STRC: variants seen among roughly 807,000 people sequenced by gnomAD.
STRC encodes the protein stereocilin.
Under a neutral mutation model 103.5 loss-of-function variants are expected in STRC, and 43 were observed. The observed-to-expected ratio is 0.42, with a 90% CI of 0.33 to 0.54. STRC has a LOEUF of 0.54. STRC is among the 20% of genes least tolerant of loss of function. STRC has a pLI of 0.14. For synonymous variants in STRC, 186 were observed against 442.3 expected, an observed-to-expected ratio of 0.42 and a Z score of 7.27; for missense variants, 499 against 1,088.5, an observed-to-expected ratio of 0.46 and a Z score of 7.62.
intron 19 of STRC, 34 bp from the exon 20 acceptor site, chr15:43,604,880 T>A (rs1333654539): frequency 1.3e-6 from 2 of 1,579,314 alleles, no homozygotes; most frequent in African/African-American, 2.7e-5. Context: ...GACAATGCAC[T>A]TCTGACTCAG....
intron 16 of STRC, among the ~76,000 whole-genome samples, chr15:43,608,665 G>A (rs1294693049): frequency 7.6e-6 from 1 of 131,994 alleles, no homozygotes; most frequent in Non-Finnish European, 1.6e-5. Flanking sequence ...GGCAGAGGTT[G>A]CAGTGAGCCG....
In STRC at chr15:43,600,793, C is replaced by T. The variant is rs574386839; in HGVS notation, c.4844+79G>A. 52 of 1,613,236 alleles carry T rather than the reference C, an allele frequency of 3.2e-5. No individual in the cohort carries two copies. The Admixed American group carries it at 4.5e-4, about 14-fold the overall frequency. The stretch of plus-strand genomic sequence containing the variant: ...AATGAGTTCCCTTCCTCCATGGGAC[C>T]AGACCTTCATGATCCTTCTTTCCCC... On this transcript the variant is annotated intron_variant, in intron 25 of 28. Transcript: ENST00000450892.
At chr15:43,609,608 G>C in intron 15 of STRC, 6 of 474,930 alleles carry the variant, frequency 1.3e-5, no homozygotes, top group Non-Finnish European at 2.3e-5. Context: ...CCAGCACTTT[G>C]GGAGGCCAAG....
chr15:43,603,276 T>C lies in STRC; in HGVS notation c.4511A>G (p.Glu1504Gly). ...TTTGCCCATGGCTGCCCGCAGTTCC[T>C]CAGGCCCAAGTCCTGGGTCTCCTGC... ...LFAGDPGLGP[E>G]ELRAAMGKAK... The change falls in exon 23 of 29, where the codon GAG becomes GGG. Residue 1504 changes from glutamate (E) to glycine (G), a missense_variant. Glu to Gly is a moderately conservative substitution (Grantham distance 98). Transcript: ENST00000450892. 1 of 1,613,780 alleles carries C rather than the reference T, an allele frequency of 6.2e-7. No individual in the cohort carries two copies. Among genetic ancestry groups the C allele is most frequent in the Non-Finnish European group, 8.5e-7 (1 of 1,179,852 alleles).
chr15:43,608,033 G>C, intron 17 of STRC, 47 bp downstream of exon 17: 1 of 1,610,878 alleles, frequency 6.2e-7, no homozygotes, highest in Non-Finnish European at 8.5e-7. Flanking sequence ...CTATACCTAG[G>C]GTCCCAGCCT....
In STRC at chr15:43,603,239, A is replaced by G. The variant is rs958584607; in HGVS notation, c.4545+3T>C. ...CAACCCCAGTTGGCTCTCCATCCCT[A>G]ACCTGTTTTGCTTTGCCCATGGCTG... On this transcript the variant is annotated splice_donor_region_variant and intron_variant, in intron 23 of 28. Transcript: ENST00000450892. The G allele has an allele frequency of 1.2e-6, 2 of 1,613,214 alleles. No individual in the cohort carries two copies. Among genetic ancestry groups the G allele is most frequent in the Admixed American group, 3.3e-5 (2 of 59,992 alleles).
At chr15:43,600,844 C>G (rs2447209) in intron 25 of STRC, 28 bp downstream of exon 25, 31 of 1,613,540 alleles carry the variant, frequency 1.9e-5, no homozygotes, top group East Asian at 1.1e-4. Flanking sequence ...ACCTCAGCAC[C>G]ACCACCCTCA....
At chr15:43,604,497 T>G (rs2085697838) in intron 20 of STRC, 46 bp from the exon 21 acceptor site, 1 of 1,571,340 alleles carries the variant, frequency 6.4e-7, no homozygotes, top group Admixed American at 1.9e-5. Flanking sequence ...GAGGGAACTG[T>G]GAGGAAAAGG....
At chr15:43,604,513 G>A (rs2085697936) in intron 20 of STRC, 62 bp from the exon 21 acceptor site, 13 of 1,590,896 alleles carry the variant, frequency 8.2e-6, no homozygotes, top group South Asian at 1.1e-5. Flanking sequence ...AAAGGAAGGG[G>A]AAAAGAGGAC....
chr15:43,600,744 G>A, intron 25 of STRC, 62 bp from the exon 26 acceptor site: 1 of 1,612,766 alleles, frequency 6.2e-7, no homozygotes, highest in Non-Finnish European at 8.5e-7. Context: ...CTGTGGTCAT[G>A]AGACAAAGGA....
At chr15:43,601,373 G>T in intron 24 of STRC, 23 bp downstream of exon 24, 1 of 1,612,298 alleles carries the variant, frequency 6.2e-7, no homozygotes, top group Non-Finnish European at 8.5e-7. Flanking sequence ...TTGGGAAGCC[G>T]TAGGGAGGAG....
At chr15:43,605,243 T>C (rs2085703395) in intron 19 of STRC, 21 bp downstream of exon 19, 3 of 1,576,980 alleles carry the variant, frequency 1.9e-6, no homozygotes, top group Non-Finnish European at 2.6e-6. Flanking sequence ...CAAATCTGAG[T>C]CTGGTAGGGT....
In STRC at chr15:43,600,749, A is replaced by C; in HGVS notation, c.4845-67T>G. The C allele has an allele frequency of 1.9e-6, 3 of 1,612,662 alleles. No homozygotes were observed. In the Admixed American group the frequency reaches 5.0e-5, roughly 27 times the overall value. On this transcript the variant is annotated intron_variant, in intron 25 of 28. Transcript: ENST00000450892. ...GTGAAAGGGGCTGTGGTCATGAGAC[A>C]AAGGAAGAGATGGCTTCAAATGAGT...
intron 18 of STRC, among the ~76,000 whole-genome samples, chr15:43,606,855 C>A (rs561218770): frequency 1.0e-5 from 1 of 96,028 alleles, no homozygotes; most frequent in African/African-American, 4.0e-5. Context: ...CAAAAATTAG[C>A]CTGGCATGGT....
chr15:43,600,700 G>T lies in STRC; in HGVS notation c.4845-18C>A, dbSNP rs1263576623. On this transcript the variant is annotated intron_variant, in intron 25 of 28. Transcript: ENST00000450892. ...CTGCTTGGCTGTAGAACAGTAGGAAGGAAGGAAGAAGAATTCGGCTTCAGT... is the reference window on the plus strand; with the variant it reads ...CTGCTTGGCTGTAGAACAGTAGGAATGAAGGAAGAAGAATTCGGCTTCAGT... 6 of 1,612,946 alleles carry T rather than the reference G, an allele frequency of 3.7e-6. No homozygotes were observed. The highest frequency in any genetic ancestry group is 5.1e-6 in the Non-Finnish European group (6 of 1,179,422).
intron 25 of STRC, 36 bp downstream of exon 25, chr15:43,600,836 C>T (rs2085660379): frequency 3.7e-6 from 6 of 1,613,674 alleles, no homozygotes; most frequent in Non-Finnish European, 5.1e-6. Context: ...CCACCTTTAC[C>T]TCAGCACCAC....
At chr15:43,603,595 A>G in intron 22 of STRC, 184 bp from the exon 23 acceptor site, 2 of 725,540 alleles carry the variant, frequency 2.8e-6, no homozygotes, top group South Asian at 3.2e-5. Context: ...AAGTGATTGG[A>G]GATGCCAAGA....
rs2141527136 is a variant in STRC, at chr15:43,609,221, G to A, written c.3557+55C>T. On this transcript the variant is annotated intron_variant, in intron 16 of 28. Transcript: ENST00000450892. ...TCACATGGTGCCTGGCACATAGTAAGCACTCAAAAAAATGTTGGTCGAATT... is the reference window on the plus strand; with the variant it reads ...TCACATGGTGCCTGGCACATAGTAAACACTCAAAAAAATGTTGGTCGAATT... The A allele has an allele frequency of 6.5e-6, 10 of 1,548,168 alleles. No individual in the cohort carries two copies. In the South Asian group the frequency reaches 8.9e-5, roughly 14 times the overall value.
Position 43,610,992 on chromosome 15 carries a change from A to C in STRC, c.3307-8T>G. 6.7e-7 allele frequency: 1 copy of C among 1,490,686 alleles called. No homozygotes were observed. 92.3% of individuals were successfully genotyped at this position (1,490,686 alleles called of 1,614,324 possible). On this transcript the variant is annotated splice_polypyrimidine_tract_variant and splice_region_variant and intron_variant, in intron 13 of 28. Transcript: ENST00000450892. ...TTTAACACCATCTTTAACCTGCATG[A>C]GAATTGGTTGTGTGTGTGTGTGTGT...
Sources: gnomAD v4.1 joint callset for allele counts (sites outside exome capture counted in the v4.1 genomes callset) on GRCh38, gnomAD v4.1.1 for gene constraint, MANE v1.5 for transcripts, NCBI Gene and HGNC (gene_info 2026-07-23, HGNC 2026-07-21) for gene names.